RELN: variants seen among roughly 807,000 people sequenced by gnomAD.
The protein encoded by RELN is reelin.
In RELN, 108 loss-of-function variants were observed where a neutral mutation model predicts 427.6. That is an observed-to-expected ratio of 0.25 (90% confidence interval 0.22 to 0.30). The LOEUF is 0.30. Ranked by LOEUF, RELN falls within the 10% of genes least tolerant of loss-of-function variation. The pLI is 1.00. For missense variants in RELN, 3,715 were observed against 4,302.8 expected, an observed-to-expected ratio of 0.86 and a Z score of 3.82; for synonymous variants, 1,524 against 1,513.4, an observed-to-expected ratio of 1.01 and a Z score of -0.16.
rs746541692 is a variant in RELN, at chr7:103,522,157, C to T, written c.7533G>A (p.Glu2511=). ...CTTTGAGTTGGGTTGGAAGAGAGGT[C>T]TCGGGGTCATCACAGTACAGGCCAC... is the stretch of plus-strand genomic sequence containing the variant. The part of the protein sequence containing the change: ...QWGGLYCDDP[E]TSLPTQLKDN... The change falls in exon 48 of 65, where the codon GAG becomes GAA. Residue 2511 remains glutamate, a synonymous_variant. Transcript: ENST00000428762. 4.3e-6 allele frequency: 7 copies of T among 1,614,110 alleles called. No homozygotes were observed. In the South Asian group the frequency reaches 7.7e-5, roughly 18 times the overall value.
intron 1 of RELN, among the ~76,000 whole-genome samples, chr7:103,954,731 T>C (rs1401374232): frequency 6.6e-6 from 1 of 152,218 alleles, no homozygotes; most frequent in Non-Finnish European, 1.5e-5. Context: ...ATCAAAGTGC[T>C]TAAATTTGGA....
intron 2 of RELN, among the ~76,000 whole-genome samples, chr7:103,914,898 C>T (rs2116664482): frequency 6.6e-6 from 1 of 152,274 alleles, no homozygotes; most frequent in Non-Finnish European, 1.5e-5. Context: ...CTACTGGGCT[C>T]TCCAGTGTTT....
chr7:103,695,650 C>A (rs994148752), intron 10 of RELN, among the ~76,000 whole-genome samples: 1 of 152,020 alleles, frequency 6.6e-6, no homozygotes, highest in African/African-American at 2.4e-5. Context: ...TACATTTATG[C>A]CATAAAGGGT....
Position 103,596,350 on chromosome 7 carries a change from G to C in RELN, c.3539+106C>G. 3 of 945,404 alleles carry C rather than the reference G, an allele frequency of 3.2e-6. No homozygotes were observed. The South Asian group carries it at 4.0e-5, about 13-fold the overall frequency. 58.6% of individuals were successfully genotyped at this position (945,404 alleles called of 1,614,324 possible). On this transcript the variant is annotated intron_variant, in intron 25 of 64. Transcript: ENST00000428762. Reference sequence around the variant, plus strand: ...CTATCATTCATGTTAAATTTTTATAGGTTTGTCTATTTTTGCAACAGTTAA... The same window carrying C: ...CTATCATTCATGTTAAATTTTTATACGTTTGTCTATTTTTGCAACAGTTAA...
At chr7:103,987,267 G>A (rs995934379) in intron 1 of RELN, among the ~76,000 whole-genome samples, 1 of 152,116 alleles carries the variant, frequency 6.6e-6, no homozygotes, top group African/African-American at 2.4e-5. Flanking sequence ...GGTGGAAATT[G>A]AGATTCTCCT....
intron 6 of RELN, among the ~76,000 whole-genome samples, chr7:103,748,075 C>A (rs28464481): frequency 0.033 from 4,810 of 147,864 alleles, 259 homozygotes; most frequent in African/African-American, 0.11. Context: ...ATATTAATGG[C>A]ATATAAAAAA....
chr7:103,730,243 AT>A lies in RELN; in HGVS notation c.657-2037del, dbSNP rs546342638. Among the ~76,000 whole-genome samples, 32 of 152,208 alleles carry A rather than the reference AT, an allele frequency of 2.1e-4. No homozygotes were observed. In the East Asian group the frequency reaches 5.2e-3, roughly 25 times the overall value. On this transcript the variant is annotated intron_variant, in intron 6 of 64. Transcript: ENST00000428762. Reference sequence around the variant, plus strand: ...TGCTGTTTGAACTTCTACAGCAATCATTTTGTCCATAAATATTGCTCAGCAG... The same window carrying A: ...TGCTGTTTGAACTTCTACAGCAATCATTTGTCCATAAATATTGCTCAGCAG...
At chr7:103,920,182 C>T (rs1795581185) in intron 1 of RELN, among the ~76,000 whole-genome samples, 1 of 152,018 alleles carries the variant, frequency 6.6e-6, no homozygotes, top group South Asian at 2.1e-4. Flanking sequence ...TTAAAACGTT[C>T]CATAGTGATT....
chr7:103,937,028 T>A (rs1796002890), intron 1 of RELN, among the ~76,000 whole-genome samples: 2 of 152,234 alleles, frequency 1.3e-5, no homozygotes, highest in Admixed American at 1.3e-4. Context: ...TCACCTGTGG[T>A]TTTTAAATAT....
intron 10 of RELN, among the ~76,000 whole-genome samples, chr7:103,691,715 A>G (rs557069179): frequency 2.0e-4 from 30 of 152,130 alleles, no homozygotes; most frequent in Admixed American, 9.8e-4. Flanking sequence ...CAGGAGGCTA[A>G]GGCACAAGAA....
At chr7:103,851,819 C>G (rs1584297311) in intron 2 of RELN, among the ~76,000 whole-genome samples, 1 of 152,174 alleles carries the variant, frequency 6.6e-6, no homozygotes, top group South Asian at 2.1e-4. Flanking sequence ...CTTTGCAGTT[C>G]AAGTAGGCAT....
Position 103,609,998 on chromosome 7 carries a change from G to A in RELN, c.3008+697C>T, listed in dbSNP as rs149605252. On this transcript the variant is annotated intron_variant, in intron 22 of 64. Coordinates refer to ENST00000428762, the MANE Select transcript of RELN (RefSeq NM_005045.4). ...AGATCACGTGATTAATTAATCATTG[G>A]TAGAGCTATACTGAGAATTCAGGCC... 2.8e-3 allele frequency among the ~76,000 whole-genome samples: 428 copies of A among 152,230 alleles called. 2 individuals carry two copies. Among genetic ancestry groups the A allele is most frequent in the South Asian group, 9.7e-3 (47 of 4,822 alleles).
At chr7:103,971,152 C>CAAAAAAA (rs559162833) in intron 1 of RELN, among the ~76,000 whole-genome samples, 4 of 81,262 alleles carry the variant, frequency 4.9e-5, no homozygotes, top group Admixed American at 1.5e-4. Context: ...GACTCTATCT[C>CAAAAAAA]AAAAAAAAAA....
At chr7:103,925,024 ACACACACACACACACG>A (rs1205074750) in intron 1 of RELN, among the ~76,000 whole-genome samples, 23 of 98,660 alleles carry the variant, frequency 2.3e-4, no homozygotes, top group African/African-American at 9.1e-4. Context: ...ACACACACAC[ACACACACACACACACG>A]CTCACTCAGA....
chr7:103,724,181 T>TC (rs1332105670), intron 7 of RELN, among the ~76,000 whole-genome samples: 1 of 152,094 alleles, frequency 6.6e-6, no homozygotes, highest in Non-Finnish European at 1.5e-5. Context: ...GCTTTTTTTT[T>TC]TCGTTGTTTT....
At chr7:103,538,919 T>C (rs1369386787) in intron 45 of RELN, among the ~76,000 whole-genome samples, 159 bp downstream of exon 45, 1 of 152,234 alleles carries the variant, frequency 6.6e-6, no homozygotes, top group East Asian at 1.9e-4. Flanking sequence ...AGTTTTTTAA[T>C]ACATGCAGTA....
chr7:103,699,815 A>G (rs991371591), intron 9 of RELN, among the ~76,000 whole-genome samples: 6 of 152,180 alleles, frequency 3.9e-5, no homozygotes, highest in African/African-American at 1.4e-4. Flanking sequence ...GTCACAGCTC[A>G]GCTTGTATCA....
In RELN at chr7:103,640,483, T is replaced by G. The variant is rs370963329; in HGVS notation, c.2069+60A>C. 2 of 1,552,380 alleles carry G rather than the reference T, an allele frequency of 1.3e-6. No individual in the cohort carries two copies. Among genetic ancestry groups the G allele is most frequent in the African/African-American group, 2.7e-5 (2 of 73,808 alleles). Reference sequence around the variant, plus strand: ...AAAAGGTTATTAAATGACTTGCGACTTCAACACATACATTACACATCAAAA... The same window carrying G: ...AAAAGGTTATTAAATGACTTGCGACGTCAACACATACATTACACATCAAAA... On this transcript the variant is annotated intron_variant, in intron 17 of 64. Coordinates refer to ENST00000428762, the MANE Select transcript of RELN (RefSeq NM_005045.4). The surrounding 1 kb of genome is among the most constrained non-coding windows in gnomAD (Gnocchi z 4.1).
intron 6 of RELN, among the ~76,000 whole-genome samples, chr7:103,744,311 G>A (rs1790755950): frequency 6.6e-6 from 1 of 151,952 alleles, no homozygotes; most frequent in East Asian, 1.9e-4. Flanking sequence ...AGAGAAAGCA[G>A]GAAAGATCCA....
Sources: gnomAD v4.1 joint callset for allele counts (sites outside exome capture counted in the v4.1 genomes callset) on GRCh38, gnomAD v4.1.1 for gene constraint, Gnocchi (gnomAD v3.1) non-coding constraint, MANE v1.5 for transcripts, NCBI Gene and HGNC (gene_info 2026-07-23, HGNC 2026-07-21) for gene names.